Variants in EHBP1 observed in about 807,000 individuals in gnomAD.
The protein encoded by EHBP1 is EH domain binding protein 1.
Under a neutral mutation model 144.0 loss-of-function variants are expected in EHBP1, and 55 were observed. That is an observed-to-expected ratio of 0.38 (90% CI 0.31 to 0.48). The LOEUF (loss-of-function observed/expected upper bound fraction) is 0.48, where lower values mean the gene tolerates loss of function less well. EHBP1 is among the 20% of genes least tolerant of loss of function. The probability of loss-of-function intolerance (pLI) is 0.98; values close to 1 mark genes in which losing one functional copy is unlikely to be tolerated. For synonymous variants in EHBP1, 469 were observed against 472.7 expected (o/e 0.99, Z 0.10); for missense variants, 1,200 against 1,364.2 (o/e 0.88, Z 1.90).
chr2:62,997,173 G>C (rs1010097582), intron 19 of EHBP1, among the ~76,000 whole-genome samples: 8 of 152,064 alleles, frequency 5.3e-5, no homozygotes, highest in Non-Finnish European at 1.2e-4. Context: ...CCATGGACTA[G>C]ATCACTGAAA....
chr2:62,783,963 C>G (rs2042630855), intron 5 of EHBP1, among the ~76,000 whole-genome samples: 1 of 152,192 alleles, frequency 6.6e-6, no homozygotes, highest in South Asian at 2.1e-4. Flanking sequence ...TGCTTTGCTG[C>G]TTAGAAATTT....
upstream of EHBP1, among the ~76,000 whole-genome samples, chr2:62,702,694 T>A (rs1237917673): frequency 6.6e-6 from 1 of 152,232 alleles, no homozygotes; most frequent in African/African-American, 2.4e-5. Flanking sequence ...GACTCTTTAG[T>A]CCTTGAGGTA....
intron 7 of EHBP1, among the ~76,000 whole-genome samples, chr2:62,838,966 A>C (rs1264783557): frequency 2.8e-5 from 4 of 140,800 alleles, no homozygotes; most frequent in African/African-American, 8.1e-5. Flanking sequence ...ATAGAAAAAG[A>C]GGGAATCCTC....
intron 1 of EHBP1, among the ~76,000 whole-genome samples, chr2:62,692,189 G>A (rs557063567): frequency 6.3e-4 from 96 of 152,268 alleles, no homozygotes; most frequent in Non-Finnish European, 1.2e-3. Context: ...GTTCATCCAT[G>A]TTATAGCGTG....
At chr2:63,024,803 C>G (rs1441650098) in intron 19 of EHBP1, among the ~76,000 whole-genome samples, 1 of 151,574 alleles carries the variant, frequency 6.6e-6, no homozygotes, top group African/African-American at 2.4e-5. Flanking sequence ...TTGAGCCCAG[C>G]CTGGGCAACA....
chr2:62,991,243 T>TAAA, intron 16 of EHBP1, among the ~76,000 whole-genome samples: 1 of 117,210 alleles, frequency 8.5e-6, no homozygotes, highest in African/African-American at 3.2e-5. Flanking sequence ...AGACCTTGTC[T>TAAA]AAAAAAAAAA....
At chr2:62,779,083 C>G (rs2042246991) in intron 5 of EHBP1, among the ~76,000 whole-genome samples, 1 of 152,168 alleles carries the variant, frequency 6.6e-6, no homozygotes, top group Non-Finnish European at 1.5e-5. Flanking sequence ...AGCAGTACCC[C>G]TCTTCCACCA....
At chr2:62,787,285 T>C (rs1331504769) in intron 5 of EHBP1, among the ~76,000 whole-genome samples, 1 of 152,066 alleles carries the variant, frequency 6.6e-6, no homozygotes, top group Non-Finnish European at 1.5e-5. Context: ...AGTTATATTT[T>C]ATAAATATAC....
At chr2:62,781,690 G>T (rs186083039) in intron 5 of EHBP1, among the ~76,000 whole-genome samples, 97 of 152,248 alleles carry the variant, frequency 6.4e-4, no homozygotes, top group African/African-American at 2.2e-3. Flanking sequence ...TCGTTCACTA[G>T]ATTACTTTCT....
At chr2:62,933,393 G>C (rs1041929254) in intron 10 of EHBP1, among the ~76,000 whole-genome samples, 17 of 152,088 alleles carry the variant, frequency 1.1e-4, no homozygotes, top group African/African-American at 3.9e-4. Context: ...CTTCTCAAAT[G>C]ATTAGAGATT....
At chr2:63,002,495 C>T (rs1043253990) in intron 19 of EHBP1, among the ~76,000 whole-genome samples, 3 of 152,058 alleles carry the variant, frequency 2.0e-5, no homozygotes, top group South Asian at 2.1e-4. Flanking sequence ...ATTAGTACCT[C>T]GGTGGCATGA....
At chr2:63,025,949 A>G (rs2060954290) in intron 19 of EHBP1, among the ~76,000 whole-genome samples, 1 of 152,208 alleles carries the variant, frequency 6.6e-6, no homozygotes, top group Admixed American at 6.5e-5. Flanking sequence ...GCAATTGAGT[A>G]GCTGCTTTAA....
At chr2:62,730,853 GAC>G (rs2037488738) in intron 2 of EHBP1, among the ~76,000 whole-genome samples, 2 of 4,552 alleles carry the variant, frequency 4.4e-4, no homozygotes, top group African/African-American at 9.9e-4. Context: ...GAGAGAGAGA[GAC>G]AGACAGGCAG....
chr2:62,842,452 TC>T (rs1409799456), intron 7 of EHBP1, among the ~76,000 whole-genome samples: 1 of 152,128 alleles, frequency 6.6e-6, no homozygotes, highest in Non-Finnish European at 1.5e-5. Context: ...TAATGATCTC[TC>T]CGTAAGCTCC....
chr2:62,732,563 A>G (rs1041337276), intron 2 of EHBP1, among the ~76,000 whole-genome samples: 1 of 152,024 alleles, frequency 6.6e-6, no homozygotes, highest in Non-Finnish European at 1.5e-5. Flanking sequence ...TAAAATGTGT[A>G]ACACCTTCCC....
chr2:62,686,625 G>A (rs902722860), intron 1 of EHBP1, among the ~76,000 whole-genome samples: 5 of 152,068 alleles, frequency 3.3e-5, no homozygotes, highest in African/African-American at 1.2e-4. Context: ...GTGTGTATCT[G>A]GAAACAGCTA....
intron 10 of EHBP1, among the ~76,000 whole-genome samples, chr2:62,904,353 TTA>T (rs2053637602): frequency 6.6e-6 from 1 of 152,202 alleles, no homozygotes; most frequent in Non-Finnish European, 1.5e-5. Context: ...TTCCATTCCT[TTA>T]TGGCTGCACC....
chr2:62,918,542 T>G (rs2054822932), intron 10 of EHBP1, among the ~76,000 whole-genome samples: 1 of 152,208 alleles, frequency 6.6e-6, no homozygotes, highest in South Asian at 2.1e-4. Flanking sequence ...TAGTTTGCTG[T>G]GCCCTACATC....
At chr2:62,840,944 G>A (rs1332287193) in intron 7 of EHBP1, among the ~76,000 whole-genome samples, 2 of 152,086 alleles carry the variant, frequency 1.3e-5, no homozygotes, top group African/African-American at 2.4e-5. Flanking sequence ...ATTCCTCAGG[G>A]ATCTAGAACT....
Sources: allele counts gnomAD v4.1 joint callset (sites outside exome capture counted in the v4.1 genomes callset), GRCh38; gene constraint gnomAD v4.1.1; transcripts MANE v1.5; gene names NCBI Gene and HGNC (gene_info 2026-07-23, HGNC 2026-07-21).